The following BCAS3 variants were observed in gnomAD, a reference collection of about 807,000 sequenced individuals.
BCAS3 encodes the protein BCAS4/BCAS3 fusion.
In BCAS3, 53 loss-of-function variants were observed where a neutral mutation model predicts 116.1. The ratio of observed to expected loss-of-function variants is 0.46; its 90% CI spans 0.37 to 0.57. The LOEUF (loss-of-function observed/expected upper bound fraction) is 0.57, where lower values mean the gene tolerates loss of function less well. Among genes scored for constraint, BCAS3 ranks in the 20% least tolerant of loss-of-function variants. The probability of loss-of-function intolerance (pLI) is 0.00; values close to 1 mark genes in which losing one functional copy is unlikely to be tolerated. For missense variants in BCAS3, 917 were observed against 1,165.4 expected, an observed-to-expected ratio of 0.79 and a Z score of 3.10; for synonymous variants, 391 against 408.2, an observed-to-expected ratio of 0.96 and a Z score of 0.51.
intron 4 of BCAS3, among the ~76,000 whole-genome samples, chr17:60,703,934 AAAG>A (rs1227091738): frequency 6.6e-6 from 1 of 151,798 alleles, no homozygotes; most frequent in African/African-American, 2.4e-5. Flanking sequence ...AAAAAGAAAA[AAAG>A]AAAAAAAAAA....
chr17:61,147,144 G>A (rs973287466), intron 22 of BCAS3, among the ~76,000 whole-genome samples: 1 of 151,326 alleles, frequency 6.6e-6, no homozygotes, highest in Non-Finnish European at 1.5e-5. Flanking sequence ...GTGTGATCTC[G>A]GCTCACTGCA....
intron 19 of BCAS3, among the ~76,000 whole-genome samples, chr17:61,042,597 A>G (rs562599703): frequency 6.6e-6 from 1 of 152,070 alleles, no homozygotes; most frequent in East Asian, 1.9e-4. Flanking sequence ...TTTTAGAAAG[A>G]TCATTCTGGG....
intron 7 of BCAS3, among the ~76,000 whole-genome samples, chr17:60,824,490 C>T (rs2050212970): frequency 2.0e-5 from 3 of 152,180 alleles, no homozygotes; most frequent in Admixed American, 1.3e-4. Flanking sequence ...TTGTGATTCC[C>T]TAGTAGCCCA....
chr17:61,370,390 C>CT (rs1462877105), intron 23 of BCAS3, among the ~76,000 whole-genome samples: 1 of 144,322 alleles, frequency 6.9e-6, no homozygotes, highest in Non-Finnish European at 1.5e-5. Context: ...AAAACTTGTT[C>CT]TTTTTTTGTT....
intron 7 of BCAS3, among the ~76,000 whole-genome samples, chr17:60,866,793 T>TTGTTTGTTCCTTC (rs2054633729): frequency 6.6e-6 from 1 of 152,176 alleles, no homozygotes; most frequent in African/African-American, 2.4e-5. Context: ...CCTTCTTTAT[T>TTGTTTGTTCCTTC]ACTTTTTTGA....
intron 10 of BCAS3, chr17:60,891,860 C>T (rs1475542393): frequency 5.3e-6 from 2 of 378,486 alleles, no homozygotes; most frequent in East Asian, 7.3e-5. Flanking sequence ...ATCATGTGTA[C>T]CCATTGTTTA....
Position 61,019,174 on chromosome 17 carries a change from GCCTGAGCTCTGCCT to G in BCAS3, c.1637+3278_1637+3291del, listed in dbSNP as rs1217293063. Among the ~76,000 whole-genome samples, 1 of 152,134 alleles carries G rather than the reference GCCTGAGCTCTGCCT, an allele frequency of 6.6e-6. No individual in the cohort carries two copies. Among genetic ancestry groups the G allele is most frequent in the Admixed American group, 6.5e-5 (1 of 15,286 alleles). ...GAACAACAGGCGAGTGAGCATCACCGCCTGAGCTCTGCCTCCTGTCAGATCAGCATCGGCATTAG... is the reference window on the plus strand; with the variant it reads ...GAACAACAGGCGAGTGAGCATCACCGCCTGTCAGATCAGCATCGGCATTAG... On this transcript the variant is annotated intron_variant, in intron 16 of 23. Transcript: ENST00000407086. This position sits in a 1 kb window ranked among gnomAD's most constrained non-coding sequence, Gnocchi z 5.6.
chr17:60,696,988 A>G (rs965455513), intron 4 of BCAS3, among the ~76,000 whole-genome samples: 5 of 150,770 alleles, frequency 3.3e-5, no homozygotes, highest in African/African-American at 1.2e-4. Flanking sequence ...GGAGTTCAAG[A>G]CCAGCCTGGG....
intron 6 of BCAS3, among the ~76,000 whole-genome samples, chr17:60,755,574 C>T (rs74523166): frequency 0.011 from 1,643 of 152,318 alleles, 34 homozygotes; most frequent in African/African-American, 0.037. Context: ...TCTTTATACA[C>T]ACACTCCATG....
chr17:60,767,960 C>T (rs141287988), intron 6 of BCAS3, among the ~76,000 whole-genome samples: 215 of 152,228 alleles, frequency 1.4e-3, no homozygotes, highest in Non-Finnish European at 2.6e-3. Flanking sequence ...GCCACAGTAC[C>T]TGGCTAGTTT....
At chr17:61,314,869 C>G (rs1284641436) in intron 22 of BCAS3, among the ~76,000 whole-genome samples, 1 of 152,204 alleles carries the variant, frequency 6.6e-6, no homozygotes. Flanking sequence ...AAACTATACA[C>G]AGGGAGTGGA....
At chr17:60,984,848 A>G (rs1424506104) in intron 14 of BCAS3, among the ~76,000 whole-genome samples, 1 of 151,772 alleles carries the variant, frequency 6.6e-6, no homozygotes, top group Non-Finnish European at 1.5e-5. Context: ...CATCTCTACT[A>G]CAAATACAAA....
chr17:61,232,639 A>G (rs1002819667), intron 22 of BCAS3, among the ~76,000 whole-genome samples: 1 of 152,204 alleles, frequency 6.6e-6, no homozygotes, highest in African/African-American at 2.4e-5. Context: ...CTGAGGATCC[A>G]GGACCGGTGT....
In BCAS3 at chr17:61,180,972, CT is replaced by C. The variant is rs1258423263; in HGVS notation, c.2425+96411del. Among the ~76,000 whole-genome samples the C allele has an allele frequency of 4.6e-5, 7 of 152,052 alleles. No homozygotes were observed. Among genetic ancestry groups the C allele is most frequent in the African/African-American group, 1.7e-4 (7 of 41,396 alleles). On this transcript the variant is annotated intron_variant, in intron 22 of 23. Transcript: ENST00000407086. This position sits in a 1 kb window ranked among gnomAD's most constrained non-coding sequence, Gnocchi z 6.0. The stretch of plus-strand genomic sequence containing the variant: ...ATGGCTCACACCTGTAATCTTAGCA[CT>C]TTGGGAGGCTGGGGTGGGGGGATCA...
Position 61,051,144 on chromosome 17 carries a change from A to G in BCAS3, c.2029+10252A>G, listed in dbSNP as rs1461630719. ...GATTTTTTTACAAGTGGATTGAGCTATTAATACTTGGGACACGTTTGATGA... is the reference window on the plus strand; with the variant it reads ...GATTTTTTTACAAGTGGATTGAGCTGTTAATACTTGGGACACGTTTGATGA... On this transcript the variant is annotated intron_variant, in intron 19 of 23. Transcript: ENST00000407086. This position sits in a 1 kb window ranked among gnomAD's most constrained non-coding sequence, Gnocchi z 4.1. 6.6e-6 allele frequency among the ~76,000 whole-genome samples: 1 copy of G among 151,996 alleles called. No individual in the cohort carries two copies. Among genetic ancestry groups the G allele is most frequent in the Non-Finnish European group, 1.5e-5 (1 of 67,894 alleles).
At position 61,044,244 on chromosome 17, in the gene BCAS3, G is replaced by A. The variant is rs2067797754; in HGVS notation, c.2029+3352G>A. Reference sequence around the variant, plus strand: ...CGGCAGATCACGAGTTCAGGAGATCGAGACCATCCTGGCTAACACGGTGAA... The same window carrying A: ...CGGCAGATCACGAGTTCAGGAGATCAAGACCATCCTGGCTAACACGGTGAA... On this transcript the variant is annotated intron_variant, in intron 19 of 23. Transcript: ENST00000407086. Among the ~76,000 whole-genome samples the A allele has an allele frequency of 2.0e-5, 3 of 151,548 alleles. No individual in the cohort carries two copies. In the South Asian group the frequency reaches 6.2e-4, roughly 32 times the overall value.
At chr17:61,093,678 C>T (rs754239524) in intron 22 of BCAS3, among the ~76,000 whole-genome samples, 59 of 152,178 alleles carry the variant, frequency 3.9e-4, no homozygotes, top group African/African-American at 1.2e-3. Context: ...CAAAAAGATA[C>T]GCCTTTCCTA....
rs1348540722 is a variant in BCAS3, at chr17:61,200,814, T to C, written c.2425+116250T>C. On this transcript the variant is annotated intron_variant, in intron 22 of 23. Transcript: ENST00000407086. This position sits in a 1 kb window ranked among gnomAD's most constrained non-coding sequence, Gnocchi z 5.1. ...TATTGTACTGAAATTCCAAATAGAA[T>C]TGGAAAATGTACTTTTTTGATGGGC... is the stretch of plus-strand genomic sequence containing the variant. 6.6e-6 allele frequency among the ~76,000 whole-genome samples: 1 copy of C among 152,250 alleles called. No individual in the cohort carries two copies. Among genetic ancestry groups the C allele is most frequent in the African/African-American group, 2.4e-5 (1 of 41,468 alleles).
intron 13 of BCAS3, among the ~76,000 whole-genome samples, chr17:60,945,988 C>T (rs918391183): frequency 2.6e-5 from 4 of 151,996 alleles, no homozygotes; most frequent in South Asian, 2.1e-4. Context: ...GGCATGGTGG[C>T]GGGCGCCTGT....
Sources: gnomAD v4.1 joint callset for allele counts (sites outside exome capture counted in the v4.1 genomes callset) on GRCh38, gnomAD v4.1.1 for gene constraint, Gnocchi (gnomAD v3.1) non-coding constraint, MANE v1.5 for transcripts, NCBI Gene and HGNC (gene_info 2026-07-23, HGNC 2026-07-21) for gene names.